GTF3C4: variants seen among roughly 807,000 people sequenced by gnomAD.
The protein encoded by GTF3C4 is general transcription factor 3C polypeptide 4.
A neutral mutation model predicts 67.5 loss-of-function variants in GTF3C4; 28 were observed. The observed-to-expected ratio is 0.41, with a 90% CI of 0.31 to 0.57. The LOEUF (loss-of-function observed/expected upper bound fraction) is 0.57, where lower values mean the gene tolerates loss of function less well. Ranked by LOEUF, GTF3C4 falls within the 20% of genes least tolerant of loss-of-function variation. GTF3C4 has a pLI of 0.21. For synonymous variants in GTF3C4, 409 were observed against 393.0 expected (o/e 1.04, Z -0.48); for missense variants, 831 against 1,033.2 (o/e 0.80, Z 2.68).
In GTF3C4 at chr9:132,692,523, T is replaced by G. The variant is rs543261526; in HGVS notation, c.*3578T>G. On this transcript the variant is annotated 3_prime_UTR_variant, in exon 5 of 5. Transcript: ENST00000372146. ...AGCAAAAATTATGGTTAAGCTAAGC[T>G]GAATGGGTTATATTCAAAGTAAGTA... is the stretch of plus-strand genomic sequence containing the variant. The G allele has an allele frequency of 4.6e-5, 7 of 152,266 alleles. No homozygotes were observed. In the South Asian group the frequency reaches 1.5e-3, roughly 32 times the overall value. The allele number at this position is 152,266 out of a possible 1,614,324, so 9.4% of individuals were successfully genotyped here. A position where few individuals can be genotyped will look rare whatever the true frequency, so the allele number is the denominator to read the frequency against.
At chr9:132,685,901 A>G (rs1415036892) in intron 3 of GTF3C4, among the ~76,000 whole-genome samples, 2 of 152,244 alleles carry the variant, frequency 1.3e-5, no homozygotes, top group African/African-American at 2.4e-5. Context: ...GGGTATAACT[A>G]CTGTCTTTAA....
At position 132,691,020 on chromosome 9, in the gene GTF3C4, T is replaced by A. The variant is rs949601351; in HGVS notation, c.*2075T>A. Reference sequence around the variant, plus strand: ...GATCTCCCAAATTTTTTTGTATGTCTCTCTAGGAGTAAACATGGCAACAGT... The same window carrying A: ...GATCTCCCAAATTTTTTTGTATGTCACTCTAGGAGTAAACATGGCAACAGT... On this transcript the variant is annotated 3_prime_UTR_variant, in exon 5 of 5. Coordinates refer to ENST00000372146, the MANE Select transcript of GTF3C4 (RefSeq NM_012204.4). The A allele has an allele frequency of 6.6e-6, 1 of 152,186 alleles. No individual in the cohort carries two copies. The highest frequency in any genetic ancestry group is 2.4e-5 in the African/African-American group (1 of 41,426). The allele number at this position is 152,186 out of a possible 1,614,324, so 9.4% of individuals were successfully genotyped here.
chr9:132,686,028 T>C (rs553041863), intron 3 of GTF3C4, among the ~76,000 whole-genome samples: 13 of 152,346 alleles, frequency 8.5e-5, no homozygotes, highest in African/African-American at 3.1e-4. Context: ...AGATTATTCA[T>C]TGAGCCTTTA....
intron 3 of GTF3C4, among the ~76,000 whole-genome samples, chr9:132,686,040 C>T (rs1836022495): frequency 6.6e-6 from 1 of 152,210 alleles, no homozygotes; most frequent in Non-Finnish European, 1.5e-5. Flanking sequence ...GAGCCTTTAC[C>T]AGGGCCAGGC....
rs997871209 is a variant in GTF3C4, at chr9:132,691,577, C to G, written c.*2632C>G. 2 of 152,212 alleles carry G rather than the reference C, an allele frequency of 1.3e-5. No individual in the cohort carries two copies. The highest frequency in any genetic ancestry group is 4.8e-5 in the African/African-American group (2 of 41,456). 9.4% of individuals were successfully genotyped at this position (152,212 alleles called of 1,614,324 possible). A position where few individuals can be genotyped will look rare whatever the true frequency, so the allele number is the denominator to read the frequency against. On this transcript the variant is annotated 3_prime_UTR_variant, in exon 5 of 5. Coordinates refer to ENST00000372146, the MANE Select transcript of GTF3C4 (RefSeq NM_012204.4). ...TTGCATTTGGGGAGTCTGATACCCACATAGGTATCACATTTTCTCTGCCTG... is the reference window on the plus strand; with the variant it reads ...TTGCATTTGGGGAGTCTGATACCCAGATAGGTATCACATTTTCTCTGCCTG...
chr9:132,670,076 G>C (rs774562359), upstream of GTF3C4: 7 of 1,560,780 alleles, frequency 4.5e-6, no homozygotes, highest in Non-Finnish European at 5.2e-6. Context: ...GACTCGTCCC[G>C]AGGGGAGCCG....
chr9:132,693,892 T>C lies in GTF3C4; in HGVS notation c.*4947T>C, dbSNP rs1590143192. ...TCAAACTTGTTTATAGAAAAGACTA[T>C]ATAGAAAAATAAGTCTGTGTTGTGT... On this transcript the variant is annotated 3_prime_UTR_variant, in exon 5 of 5. Coordinates refer to ENST00000372146, the MANE Select transcript of GTF3C4 (RefSeq NM_012204.4). The C allele has an allele frequency of 6.6e-6, 1 of 152,218 alleles. No individual in the cohort carries two copies. The highest frequency in any genetic ancestry group is 6.5e-5 in the Admixed American group (1 of 15,282). The allele number at this position is 152,218 out of a possible 1,614,324, so 9.4% of individuals were successfully genotyped here.
Position 132,678,116 on chromosome 9 carries a change from A to G in GTF3C4, c.497A>G (p.Tyr166Cys). The G allele has an allele frequency of 6.2e-7, 1 of 1,614,248 alleles. No homozygotes were observed. Among genetic ancestry groups the G allele is most frequent in the Non-Finnish European group, 8.5e-7 (1 of 1,180,036 alleles). Residue 166 changes from tyrosine (Y) to cysteine (C), a missense_variant, in exon 2 of 5, where the codon TAC becomes TGC. Tyr to Cys is a radical substitution (Grantham distance 194, BLOSUM62 -2). This residue lies in a region of GTF3C4 where 390 missense variants were observed against 540.3 expected (regional missense o/e 0.72). Transcript: ENST00000372146. The surrounding 1 kb of genome is among the most constrained non-coding windows in gnomAD (Gnocchi z 6.5). ...KALPPMRGFK[Y>C]TSWSPMGCDA... Reference sequence around the variant, plus strand: ...TTACCACCAATGAGAGGATTCAAGTACACCAGCTGGTCTCCCATGGGTTGC... The same window carrying G: ...TTACCACCAATGAGAGGATTCAAGTGCACCAGCTGGTCTCCCATGGGTTGC...
At position 132,670,858 on chromosome 9, in the gene GTF3C4, C is replaced by T; in HGVS notation, c.260C>T (p.Ala87Val). 1.2e-6 allele frequency: 2 copies of T among 1,612,062 alleles called. No homozygotes were observed. The highest frequency in any genetic ancestry group is 1.7e-6 in the Non-Finnish European group (2 of 1,179,858). ...RVSVSTARSI[A>V]VLELICDVHN... ...TCTGTGTCCACGGCCCGCAGCATCG[C>T]TGTGCTGGAGCTCATCTGCGACGTG... Residue 87 changes from alanine to valine, a missense_variant, in exon 1 of 5, where the codon GCT becomes GTT. Around this residue, in one of 4 missense-constraint regions of GTF3C4, gnomAD observed 237 missense variants for 212.7 expected, o/e 1.11. Transcript: ENST00000372146.
chr9:132,677,918 A>T, intron 1 of GTF3C4, 59 bp from the exon 2 acceptor site: 6 of 1,389,228 alleles, frequency 4.3e-6, no homozygotes, highest in Non-Finnish European at 5.9e-6. Context: ...TTATTTTAAA[A>T]AATTGCCATC....
intron 4 of GTF3C4, 77 bp from the exon 5 acceptor site, chr9:132,688,804 G>A (rs1217231676): frequency 6.6e-6 from 7 of 1,053,210 alleles, no homozygotes; most frequent in East Asian, 4.7e-5. Flanking sequence ...GTCTCTCAAC[G>A]CTACAGTCCG....
At position 132,678,383 on chromosome 9, in the gene GTF3C4, G is replaced by A; in HGVS notation, c.764G>A (p.Gly255Asp). The change falls in exon 2 of 5, where the codon GGC becomes GAC. Residue 255 changes from glycine (G) to aspartate (D), a missense_variant. Physicochemically the swap from Gly to Asp is moderately conservative, Grantham distance 94. This residue lies in a region of GTF3C4 where 390 missense variants were observed against 540.3 expected (regional missense o/e 0.72). Transcript: ENST00000372146. This position sits in a 1 kb window ranked among gnomAD's most constrained non-coding sequence, Gnocchi z 6.5. ...MQTPVRMEWS[G>D]ICTTQQVKHN... ...ACCCCAGTCAGAATGGAGTGGTCGG[G>A]CATCTGTACCACCCAGCAGGTCAAG... 6.2e-7 allele frequency: 1 copy of A among 1,614,206 alleles called. No homozygotes were observed. The highest frequency in any genetic ancestry group is 8.5e-7 in the Non-Finnish European group (1 of 1,180,042).
intron 1 of GTF3C4, among the ~76,000 whole-genome samples, chr9:132,671,861 A>G (rs1835777113): frequency 2.0e-5 from 3 of 152,178 alleles, no homozygotes; most frequent in South Asian, 4.1e-4. Flanking sequence ...CACAAATGAT[A>G]AGGTCCTGTC....
chr9:132,670,834 C>G lies in GTF3C4; in HGVS notation c.236C>G (p.Ser79Cys), dbSNP rs769426206. The change falls in exon 1 of 5, where the codon TCT (serine) becomes TGT (cysteine). Residue 79 changes from serine to cysteine, a missense_variant. By Grantham distance (112) the Ser-to-Cys change is moderately radical. Coordinates refer to ENST00000372146, the MANE Select transcript of GTF3C4 (RefSeq NM_012204.4). ...GCTTGGTCCGAGGACCACCGCGTGT[C>G]TGTGTCCACGGCCCGCAGCATCGCT... ...PLAWSEDHRV[S>C]VSTARSIAVL... 1.2e-6 allele frequency: 2 copies of G among 1,609,994 alleles called. No homozygotes were observed. Among genetic ancestry groups the G allele is most frequent in the South Asian group, 2.2e-5 (2 of 90,892 alleles).
At chr9:132,683,968 TC>T (rs1421913649) in intron 3 of GTF3C4, among the ~76,000 whole-genome samples, 1 of 152,224 alleles carries the variant, frequency 6.6e-6, no homozygotes, top group Non-Finnish European at 1.5e-5. Flanking sequence ...TGGCTCCTCT[TC>T]CTAGCCTCAC....
chr9:132,682,843 A>G (rs1175953157), intron 2 of GTF3C4, among the ~76,000 whole-genome samples: 1 of 152,106 alleles, frequency 6.6e-6, no homozygotes, highest in Non-Finnish European at 1.5e-5. Flanking sequence ...ACCTCAAGTG[A>G]TCCACCCGCC....
chr9:132,678,103 A>C lies in GTF3C4; in HGVS notation c.484A>C (p.Arg162=). The change falls in exon 2 of 5, where the codon AGA becomes CGA. Residue 162 remains arginine, a synonymous_variant. Coordinates refer to ENST00000372146, the MANE Select transcript of GTF3C4 (RefSeq NM_012204.4). The surrounding 1 kb of genome is among the most constrained non-coding windows in gnomAD (Gnocchi z 6.5). The part of the protein sequence containing the change: ...NPEGKALPPM[R]GFKYTSWSPM... ...TGAGGGGAAGGCTTTACCACCAATG[A>C]GAGGATTCAAGTACACCAGCTGGTC... 1 of 1,614,236 alleles carries C rather than the reference A, an allele frequency of 6.2e-7. No homozygotes were observed. The highest frequency in any genetic ancestry group is 8.5e-7 in the Non-Finnish European group (1 of 1,180,036).
intron 1 of GTF3C4, among the ~76,000 whole-genome samples, chr9:132,674,065 GCCTGTCTTTGGACTCTATTA>G (rs1265185296): frequency 6.6e-6 from 1 of 152,202 alleles, no homozygotes. Flanking sequence ...AATAACTGTT[GCCTGTCTTTGGACTCTATTA>G]CCTGTCCTCA....
At position 132,670,787 on chromosome 9, in the gene GTF3C4, G is replaced by T. The variant is rs769183687; in HGVS notation, c.189G>T (p.Ala63=). The T allele has an allele frequency of 1.3e-6, 2 of 1,591,934 alleles. No homozygotes were observed. The highest frequency in any genetic ancestry group is 1.7e-5 in the Admixed American group (1 of 58,394). Residue 63 remains alanine (A), a synonymous_variant, in exon 1 of 5, where the codon GCG becomes GCT. Coordinates refer to ENST00000372146, the MANE Select transcript of GTF3C4 (RefSeq NM_012204.4). The stretch of plus-strand genomic sequence containing the variant: ...AGCCGGCCGTGAAGCTGCAGTATGC[G>T]GTGAGCGGCCTGGAACCGCTGGCTT... ...RREPAVKLQY[A]VSGLEPLAWS... is the part of the protein sequence containing the mutation.
Sources: gnomAD v4.1 joint callset for allele counts (sites outside exome capture counted in the v4.1 genomes callset) on GRCh38, gnomAD v4.1.1 for gene constraint, gnomAD v4.1.1 regional missense constraint, Gnocchi (gnomAD v3.1) non-coding constraint, MANE v1.5 for transcripts, NCBI Gene and HGNC (gene_info 2026-07-23, HGNC 2026-07-21) for gene names.